The following HSDL2 variants were observed in gnomAD, a reference collection of about 807,000 sequenced individuals.
HSDL2 encodes the protein hydroxysteroid dehydrogenase like 2.
Under a neutral mutation model 46.3 loss-of-function variants are expected in HSDL2, and 27 were observed. The observed-to-expected ratio is 0.58, with a 90% confidence interval of 0.43 to 0.80. HSDL2 has a LOEUF of 0.80. Ranked by LOEUF, HSDL2 falls within the 30% of genes least tolerant of loss-of-function variation. HSDL2 has a pLI of 0.00. For missense variants in HSDL2, 451 were observed against 502.7 expected, an observed-to-expected ratio of 0.90 and a Z score of 0.98; for synonymous variants, 153 against 163.6, an observed-to-expected ratio of 0.94 and a Z score of 0.50.
At chr9:112,428,167 T>A (rs1832295439) in intron 6 of HSDL2, among the ~76,000 whole-genome samples, 1 of 152,164 alleles carries the variant, frequency 6.6e-6, no homozygotes, top group Non-Finnish European at 1.5e-5. Flanking sequence ...ATTTACTGAG[T>A]ACTGGGGCAT....
Position 112,429,356 on chromosome 9 carries a change from C to T in HSDL2, c.599-9075C>T, listed in dbSNP as rs542186010. Among the ~76,000 whole-genome samples, 8 of 152,222 alleles carry T rather than the reference C, an allele frequency of 5.3e-5. No homozygotes were observed. In the South Asian group the frequency reaches 1.7e-3, roughly 31 times the overall value. The stretch of plus-strand genomic sequence containing the variant: ...GGTACTAAGATGAATGTGACACAAT[C>T]CTTACCCTCAAGGAGTTTACCATTT... On this transcript the variant is annotated intron_variant, in intron 6 of 10. Coordinates refer to ENST00000398805, the MANE Select transcript of HSDL2 (RefSeq NM_032303.5).
chr9:112,458,520 T>A (rs567655162), intron 9 of HSDL2, among the ~76,000 whole-genome samples: 7 of 151,182 alleles, frequency 4.6e-5, no homozygotes, highest in African/African-American at 7.3e-5. Context: ...AGAAACGGGG[T>A]TTCACCATGT....
At chr9:112,400,021 AAT>A (rs1180616905) in intron 1 of HSDL2, among the ~76,000 whole-genome samples, 4 of 152,216 alleles carry the variant, frequency 2.6e-5, no homozygotes, top group Non-Finnish European at 4.4e-5. Context: ...GGAACTGATA[AAT>A]ATCCATGAAA....
chr9:112,438,541 A>T lies in HSDL2; in HGVS notation c.709A>T (p.Ser237Cys), dbSNP rs1832577294. The change falls in exon 7 of 11, where the codon AGT becomes TGT. Residue 237 changes from serine to cysteine, a missense_variant. Physicochemically the swap from Ser to Cys is moderately radical, Grantham distance 112 (BLOSUM62 -1). Transcript: ENST00000398805. Reference protein sequence around the residue: ...AAYSIFQKPKSFTGNFVIDEN... With the variant: ...AAYSIFQKPKCFTGNFVIDEN... ...ATATTCCATTTTCCAAAAGCCAAAAAGTTTTACTGGCAACTTTGTCATTGA... is the reference window on the plus strand; with the variant it reads ...ATATTCCATTTTCCAAAAGCCAAAATGTTTTACTGGCAACTTTGTCATTGA... 6.2e-7 allele frequency: 1 copy of T among 1,612,872 alleles called. No individual in the cohort carries two copies. The highest frequency in any genetic ancestry group is 8.5e-7 in the Non-Finnish European group (1 of 1,179,422).
At chr9:112,436,539 A>G (rs1354814941) in intron 6 of HSDL2, among the ~76,000 whole-genome samples, 4 of 152,140 alleles carry the variant, frequency 2.6e-5, no homozygotes, top group Non-Finnish European at 5.9e-5. Flanking sequence ...CATCTTATAG[A>G]TGAAAATATG....
At chr9:112,381,935 G>T (rs761348923) in intron 1 of HSDL2, among the ~76,000 whole-genome samples, 78 of 152,046 alleles carry the variant, frequency 5.1e-4, no homozygotes, top group Non-Finnish European at 1.6e-4. Flanking sequence ...AAGTGAAATT[G>T]CTGGATCAAA....
intron 10 of HSDL2, 32 bp downstream of exon 10, chr9:112,459,609 T>C: frequency 1.3e-6 from 2 of 1,591,776 alleles, no homozygotes; most frequent in Non-Finnish European, 1.7e-6. Flanking sequence ...TTTACCTTAT[T>C]GTTCAGAGAA....
intron 1 of HSDL2, among the ~76,000 whole-genome samples, chr9:112,383,954 A>G (rs1831166524): frequency 2.0e-5 from 3 of 152,160 alleles, no homozygotes; most frequent in African/African-American, 7.2e-5. Flanking sequence ...CTCCTGCCTC[A>G]GCCCCCGAAG....
intron 10 of HSDL2, among the ~76,000 whole-genome samples, chr9:112,466,499 G>A (rs1470672002): frequency 6.6e-6 from 1 of 151,296 alleles, no homozygotes; most frequent in Non-Finnish European, 1.5e-5. Flanking sequence ...GCTGCAGTGA[G>A]CCAAGATCAC....
At chr9:112,394,300 A>G (rs561433751) in intron 1 of HSDL2, among the ~76,000 whole-genome samples, 1 of 142,618 alleles carries the variant, frequency 7.0e-6, no homozygotes, top group East Asian at 2.4e-4. Flanking sequence ...ACAAAGCCTC[A>G]GGGCTGGGGT....
At chr9:112,383,839 C>CTAT (rs780419911) in intron 1 of HSDL2, among the ~76,000 whole-genome samples, 7 of 152,178 alleles carry the variant, frequency 4.6e-5, no homozygotes, top group Non-Finnish European at 8.8e-5. Flanking sequence ...TTAGGTGGGA[C>CTAT]TATAGACATG....
chr9:112,470,776 A>G lies in HSDL2; in HGVS notation c.*232A>G, dbSNP rs369646054. 1.2e-5 allele frequency: 4 copies of G among 325,072 alleles called. No individual in the cohort carries two copies. The highest frequency in any genetic ancestry group is 5.4e-5 in the South Asian group (1 of 18,660). 20.1% of individuals were successfully genotyped at this position (325,072 alleles called of 1,614,324 possible). ...AGACAGTCTGTGTTTTTATATTTCA[A>G]GGGTTTAACCCTTTGAGCCTTACAT... On this transcript the variant is annotated 3_prime_UTR_variant, in exon 11 of 11. Coordinates refer to ENST00000398805, the MANE Select transcript of HSDL2 (RefSeq NM_032303.5).
chr9:112,408,511 A>G (rs1302655458), intron 3 of HSDL2, among the ~76,000 whole-genome samples: 15 of 152,200 alleles, frequency 9.9e-5, no homozygotes, highest in African/African-American at 3.6e-4. Context: ...GTTCTGAGAA[A>G]GGCATTATTA....
At chr9:112,403,541 G>T (rs544094497) in intron 1 of HSDL2, among the ~76,000 whole-genome samples, 47 of 152,074 alleles carry the variant, frequency 3.1e-4, no homozygotes, top group Admixed American at 6.5e-4. Flanking sequence ...ACAATTATTT[G>T]CTTTTAGGTA....
At chr9:112,445,338 G>A (rs1832733042) in intron 8 of HSDL2, among the ~76,000 whole-genome samples, 1 of 152,064 alleles carries the variant, frequency 6.6e-6, no homozygotes, top group South Asian at 2.1e-4. Flanking sequence ...ACCTTGTTAA[G>A]TTTGTCCTCT....
At chr9:112,391,793 T>C (rs1295545885) in intron 1 of HSDL2, among the ~76,000 whole-genome samples, 1 of 149,924 alleles carries the variant, frequency 6.7e-6, no homozygotes, top group Non-Finnish European at 1.5e-5. Context: ...TAATCCCAGC[T>C]ACTTGGGAGG....
At chr9:112,430,447 TA>T (rs1191302064) in intron 6 of HSDL2, among the ~76,000 whole-genome samples, 2 of 152,180 alleles carry the variant, frequency 1.3e-5, no homozygotes, top group Non-Finnish European at 2.9e-5. Context: ...GACTTGGTCT[TA>T]GATTACTCTG....
intron 9 of HSDL2, among the ~76,000 whole-genome samples, chr9:112,455,691 G>A (rs1833001730): frequency 6.6e-6 from 1 of 152,188 alleles, no homozygotes; most frequent in South Asian, 2.1e-4. Context: ...TTTCCATAGT[G>A]ACTATCTTAA....
At chr9:112,386,524 G>A (rs565999892) in intron 1 of HSDL2, among the ~76,000 whole-genome samples, 2 of 151,982 alleles carry the variant, frequency 1.3e-5, no homozygotes, top group East Asian at 1.9e-4. Flanking sequence ...GCTCATGCCT[G>A]TAATCCCAGC....
Sources: allele counts gnomAD v4.1 joint callset (sites outside exome capture counted in the v4.1 genomes callset), GRCh38; gene constraint gnomAD v4.1.1; transcripts MANE v1.5; gene names NCBI Gene and HGNC (gene_info 2026-07-23, HGNC 2026-07-21).